CALN1: variants seen among roughly 807,000 people sequenced by gnomAD.
CALN1 encodes the protein calcium-binding protein 8.
Under a neutral mutation model 30.6 loss-of-function variants are expected in CALN1, and 17 were observed. That is an observed-to-expected ratio of 0.56 (90% confidence interval 0.38 to 0.83). CALN1 has a LOEUF of 0.83. Among genes scored for constraint, CALN1 ranks in the 40% least tolerant of loss-of-function variants. The pLI, the probability that CALN1 is intolerant of heterozygous loss-of-function variation, is 0.00. For synonymous variants in CALN1, 156 were observed against 131.4 expected (o/e 1.19, Z -1.28); for missense variants, 291 against 354.9 (o/e 0.82, Z 1.45).
intron 3 of CALN1, among the ~76,000 whole-genome samples, chr7:72,157,732 AGTTAGTTT>A (rs1033692603): frequency 1.3e-5 from 2 of 151,920 alleles, no homozygotes; most frequent in African/African-American, 4.8e-5. Flanking sequence ...AAAGTTAGTC[AGTTAGTTT>A]GTTTGTTTGT....
intron 1 of CALN1, among the ~76,000 whole-genome samples, chr7:72,440,607 A>C (rs1257356991): frequency 6.6e-6 from 1 of 152,190 alleles, no homozygotes; most frequent in Admixed American, 6.5e-5. Context: ...CAGGCGGATC[A>C]CTTGAGGCCA....
chr7:72,344,785 TA>T (rs1802547326), intron 2 of CALN1, among the ~76,000 whole-genome samples: 2 of 147,408 alleles, frequency 1.4e-5, no homozygotes, highest in Admixed American at 6.8e-5. Context: ...TTTCAAAACG[TA>T]TATTAACCAG....
At chr7:71,998,656 A>G (rs1312315730) in intron 5 of CALN1, among the ~76,000 whole-genome samples, 4 of 149,832 alleles carry the variant, frequency 2.7e-5, no homozygotes, top group Admixed American at 2.0e-4. Flanking sequence ...TGCAACCTCT[A>G]CCTCCCCAGT....
intron 4 of CALN1, among the ~76,000 whole-genome samples, chr7:72,047,149 C>T (rs1224981088): frequency 6.6e-6 from 1 of 152,050 alleles, no homozygotes; most frequent in Non-Finnish European, 1.5e-5. Flanking sequence ...CTTTAATGTA[C>T]AAAAACAAAA....
intron 2 of CALN1, chr7:72,337,198 G>A (rs1802123770): frequency 1.0e-6 from 1 of 985,078 alleles, no homozygotes; most frequent in African/African-American, 1.7e-5. Context: ...CTCCTCCCCA[G>A]CGGATCCCCC....
At chr7:71,872,553 G>A (rs1220568827) in intron 5 of CALN1, among the ~76,000 whole-genome samples, 1 of 151,654 alleles carries the variant, frequency 6.6e-6, no homozygotes, top group Non-Finnish European at 1.5e-5. Flanking sequence ...CTAAATGACT[G>A]TTTATCATTA....
chr7:72,056,376 G>T (rs1803256686), intron 4 of CALN1, among the ~76,000 whole-genome samples: 1 of 151,680 alleles, frequency 6.6e-6, no homozygotes, highest in Admixed American at 6.6e-5. Flanking sequence ...AACAAAACAG[G>T]GCAATTCAGA....
chr7:71,918,584 G>C (rs571089464), intron 5 of CALN1, among the ~76,000 whole-genome samples: 1 of 152,278 alleles, frequency 6.6e-6, no homozygotes, highest in African/African-American at 2.4e-5. Flanking sequence ...AAAATCTGGA[G>C]GGAGAAAATG....
At chr7:72,238,874 T>TA (rs1322915391) in intron 3 of CALN1, among the ~76,000 whole-genome samples, 1 of 152,144 alleles carries the variant, frequency 6.6e-6, no homozygotes, top group African/African-American at 2.4e-5. Flanking sequence ...GAGAACAGGC[T>TA]AATACAGTGT....
intron 3 of CALN1, among the ~76,000 whole-genome samples, chr7:72,266,581 T>G (rs1177222493): frequency 1.3e-5 from 2 of 152,244 alleles, no homozygotes; most frequent in Non-Finnish European, 2.9e-5. Context: ...TATTTTCTAT[T>G]TCTATTCTGA....
At chr7:72,035,063 GA>G (rs1801710688) in intron 4 of CALN1, among the ~76,000 whole-genome samples, 1 of 152,112 alleles carries the variant, frequency 6.6e-6, no homozygotes, top group Non-Finnish European at 1.5e-5. Context: ...TGGGGCATAG[GA>G]ATAGTAGAGC....
chr7:72,087,304 C>T (rs1025123026), intron 4 of CALN1, among the ~76,000 whole-genome samples: 2 of 152,104 alleles, frequency 1.3e-5, no homozygotes, highest in African/African-American at 2.4e-5. Flanking sequence ...GAGGCCAAGG[C>T]GGGTGGATCA....
intron 3 of CALN1, among the ~76,000 whole-genome samples, chr7:72,241,554 A>G (rs994078813): frequency 6.6e-6 from 1 of 152,094 alleles, no homozygotes; most frequent in African/African-American, 2.4e-5. Context: ...TAAAAATACA[A>G]AATTAGCCAG....
chr7:72,072,449 C>T (rs1169605577), intron 4 of CALN1, among the ~76,000 whole-genome samples: 2 of 152,188 alleles, frequency 1.3e-5, no homozygotes, highest in East Asian at 3.8e-4. Context: ...GAAATTAAGA[C>T]ATTCCTAAAC....
chr7:72,278,076 C>T (rs1237641313), intron 3 of CALN1, among the ~76,000 whole-genome samples: 1 of 149,274 alleles, frequency 6.7e-6, no homozygotes, highest in African/African-American at 2.5e-5. Flanking sequence ...CAATGAGACA[C>T]AGTCCTAGGA....
rs1793048245 is a variant in CALN1, at chr7:71,787,610, G to C, written c.*165C>G. The C allele has an allele frequency of 5.5e-6, 5 of 902,146 alleles. No individual in the cohort carries two copies. The highest frequency in any genetic ancestry group is 8.1e-6 in the Non-Finnish European group (5 of 621,028). The allele number at this position is 902,146 out of a possible 1,614,324, so 55.9% of individuals were successfully genotyped here. On this transcript the variant is annotated 3_prime_UTR_variant, in exon 7 of 7. Coordinates refer to ENST00000395275, the MANE Select transcript of CALN1 (RefSeq NM_031468.4). ...TCCCTGCCAAGGAGATGAAGCTGAAGTGCAACCCCAGTTGCACTCAACCTT... is the reference window on the plus strand; with the variant it reads ...TCCCTGCCAAGGAGATGAAGCTGAACTGCAACCCCAGTTGCACTCAACCTT...
At chr7:71,963,218 G>A (rs1019183395) in intron 5 of CALN1, among the ~76,000 whole-genome samples, 34 of 151,904 alleles carry the variant, frequency 2.2e-4, no homozygotes, top group Non-Finnish European at 2.4e-4. Context: ...GCTGGAGTGC[G>A]GCGGCGCGAT....
chr7:72,063,677 G>C (rs1335484398), intron 4 of CALN1, among the ~76,000 whole-genome samples: 3 of 152,124 alleles, frequency 2.0e-5, no homozygotes, highest in African/African-American at 7.2e-5. Context: ...CTTTATACAG[G>C]TTGAGTATCC....
chr7:72,410,415 G>A (rs1449446629), intron 1 of CALN1, among the ~76,000 whole-genome samples: 1 of 152,192 alleles, frequency 6.6e-6, no homozygotes, highest in Admixed American at 6.5e-5. Context: ...CTTGAAAGAT[G>A]CAAAAGCGAA....
Sources: allele counts gnomAD v4.1 joint callset (sites outside exome capture counted in the v4.1 genomes callset), GRCh38; gene constraint gnomAD v4.1.1; transcripts MANE v1.5; gene names NCBI Gene and HGNC (gene_info 2026-07-23, HGNC 2026-07-21).